AUTS2: variants seen among roughly 807,000 people sequenced by gnomAD.
The protein encoded by AUTS2 is activator of transcription and developmental regulator AUTS2.
In AUTS2, 17 loss-of-function variants were observed where a neutral mutation model predicts 112.4. The observed-to-expected ratio is 0.15, with a 90% CI of 0.10 to 0.23. The LOEUF (loss-of-function observed/expected upper bound fraction) is 0.23. Ranked by LOEUF, AUTS2 falls within the 10% of genes least tolerant of loss-of-function variation. The pLI, the probability that AUTS2 is intolerant of heterozygous loss-of-function variation, is 1.00. For synonymous variants in AUTS2, 751 were observed against 702.7 expected (o/e 1.07, Z -1.09); for missense variants, 1,510 against 1,701.6 (o/e 0.89, Z 1.98).
chr7:69,851,816 A>G (rs188265845), intron 1 of AUTS2, among the ~76,000 whole-genome samples: 3 of 152,280 alleles, frequency 2.0e-5, no homozygotes, highest in Admixed American at 6.5e-5. Context: ...TTGAAATACA[A>G]TTTGTTTTTG....
At chr7:69,692,535 A>T (rs75875757) in intron 1 of AUTS2, among the ~76,000 whole-genome samples, 3,019 of 152,324 alleles carry the variant, frequency 0.02, 97 homozygotes, top group African/African-American at 0.066. Context: ...GCTTTTATTT[A>T]TTGTATCCTT....
chr7:70,506,249 C>T (rs1798956323), intron 5 of AUTS2, among the ~76,000 whole-genome samples: 3 of 152,100 alleles, frequency 2.0e-5, no homozygotes, highest in Admixed American at 6.5e-5. Flanking sequence ...TGGTGAGGAG[C>T]GAGAGAGCAG....
At chr7:69,711,633 G>A (rs934367604) in intron 1 of AUTS2, among the ~76,000 whole-genome samples, 2 of 152,114 alleles carry the variant, frequency 1.3e-5, no homozygotes, top group African/African-American at 4.8e-5. Context: ...CACTTCCTAT[G>A]CTTCCTTCCT....
At chr7:69,894,710 A>T (rs1481770093) in intron 1 of AUTS2, among the ~76,000 whole-genome samples, 4 of 152,004 alleles carry the variant, frequency 2.6e-5, no homozygotes, top group Non-Finnish European at 5.9e-5. Flanking sequence ...TCTGGTGATA[A>T]TGTTTCTTTT....
intron 1 of AUTS2, among the ~76,000 whole-genome samples, chr7:69,792,230 TTG>T (rs1491572239): frequency 7.5e-6 from 1 of 133,048 alleles, no homozygotes; most frequent in Middle Eastern, 4.2e-3. Flanking sequence ...CGTTAAGTTG[TTG>T]TTTTTTTTTT....
chr7:70,303,726 A>C (rs1331464239), intron 4 of AUTS2, among the ~76,000 whole-genome samples: 1 of 152,134 alleles, frequency 6.6e-6, no homozygotes, highest in African/African-American at 2.4e-5. Context: ...GAGCCCCTCA[A>C]TCTGCATTAT....
At chr7:70,238,443 T>C (rs953012740) in intron 4 of AUTS2, among the ~76,000 whole-genome samples, 3 of 152,202 alleles carry the variant, frequency 2.0e-5, no homozygotes, top group Non-Finnish European at 2.9e-5. Context: ...CCCTCTTAGA[T>C]CGTGGACTGC....
Position 70,268,178 on chromosome 7 carries a change from A to AT in AUTS2, c.660+133614dup, listed in dbSNP as rs1395063750. On this transcript the variant is annotated intron_variant, in intron 4 of 18. Transcript: ENST00000342771. Reference sequence around the variant, plus strand: ...CCTCCTTGAAGACTAGAGCATGGGCATTTTTTTCTTTTTCCTTAAGGGTTT... The same window carrying AT: ...CCTCCTTGAAGACTAGAGCATGGGCATTTTTTTTCTTTTTCCTTAAGGGTTT... 1.5e-4 allele frequency among the ~76,000 whole-genome samples: 23 copies of AT among 152,080 alleles called. 1 individual carries two copies. The highest frequency in any genetic ancestry group is 1.5e-3 in the Admixed American group (23 of 15,268).
intron 5 of AUTS2, among the ~76,000 whole-genome samples, chr7:70,571,942 T>C (rs948868368): frequency 6.6e-6 from 1 of 152,128 alleles, no homozygotes; most frequent in Non-Finnish European, 1.5e-5. Context: ...AGCTTTGGGG[T>C]ATTAATGACT....
intron 5 of AUTS2, among the ~76,000 whole-genome samples, chr7:70,664,154 CA>C (rs560907850): frequency 5.0e-4 from 76 of 152,270 alleles, no homozygotes; most frequent in Admixed American, 2.4e-3. Context: ...CTTTAATATA[CA>C]AGAAGAGAAA....
chr7:70,339,792 T>TA (rs1427774650), intron 4 of AUTS2, among the ~76,000 whole-genome samples: 1 of 152,156 alleles, frequency 6.6e-6, no homozygotes, highest in East Asian at 1.9e-4. Context: ...AGTCTTGACA[T>TA]AAAGTAAGTA....
chr7:70,614,316 A>G (rs1481343025), intron 5 of AUTS2, among the ~76,000 whole-genome samples: 1 of 152,198 alleles, frequency 6.6e-6, no homozygotes, highest in African/African-American at 2.4e-5. Context: ...GTGGGGACCA[A>G]CATCATTTAT....
At chr7:70,541,466 G>A (rs895838005) in intron 5 of AUTS2, among the ~76,000 whole-genome samples, 3 of 152,190 alleles carry the variant, frequency 2.0e-5, no homozygotes, top group African/African-American at 7.2e-5. Flanking sequence ...GAACCTATGT[G>A]CAAACCACAT....
intron 1 of AUTS2, among the ~76,000 whole-genome samples, chr7:69,722,978 T>C (rs937679336): frequency 6.6e-6 from 1 of 152,094 alleles, no homozygotes; most frequent in Non-Finnish European, 1.5e-5. Flanking sequence ...GTTTTCTACA[T>C]GTCAAAACAC....
At chr7:70,772,132 G>A (rs1017037081) in intron 11 of AUTS2, among the ~76,000 whole-genome samples, 3 of 152,154 alleles carry the variant, frequency 2.0e-5, no homozygotes, top group African/African-American at 4.8e-5. Flanking sequence ...CAACCCCATC[G>A]GCTGCAAACA....
chr7:69,726,424 T>C (rs1477652579), intron 1 of AUTS2, among the ~76,000 whole-genome samples: 1 of 152,216 alleles, frequency 6.6e-6, no homozygotes, highest in East Asian at 1.9e-4. Context: ...CACAATTTGT[T>C]TAATCATTTT....
chr7:70,237,608 T>G (rs924046144), intron 4 of AUTS2, among the ~76,000 whole-genome samples: 2 of 152,220 alleles, frequency 1.3e-5, no homozygotes, highest in African/African-American at 4.8e-5. Flanking sequence ...GAATCTCAAT[T>G]TAATCCATAA....
intron 4 of AUTS2, among the ~76,000 whole-genome samples, chr7:70,197,283 A>C (rs915955736): frequency 5.9e-5 from 9 of 152,224 alleles, no homozygotes; most frequent in African/African-American, 2.2e-4. Context: ...ACACACACAC[A>C]CACCCATTTT....
chr7:69,602,040 A>ATGTGTG (rs6150156), intron 1 of AUTS2, among the ~76,000 whole-genome samples: 117 of 46,242 alleles, frequency 2.5e-3, no homozygotes, highest in Non-Finnish European at 4.3e-3. Context: ...ATATATATAT[A>ATGTGTG]TGTGTGTGTG....
Sources: gnomAD v4.1 joint callset for allele counts (sites outside exome capture counted in the v4.1 genomes callset) on GRCh38, gnomAD v4.1.1 for gene constraint, MANE v1.5 for transcripts, NCBI Gene and HGNC (gene_info 2026-07-23, HGNC 2026-07-21) for gene names.